Variants in CIT observed in about 807,000 individuals in gnomAD.
CIT encodes the protein citron rho-interacting serine/threonine kinase, also known as citron Rho-interacting kinase.
CIT carries 79 observed loss-of-function variants against 272.7 expected under a neutral mutation model. The ratio of observed to expected loss-of-function variants is 0.29; its 90% CI spans 0.24 to 0.35. The LOEUF (loss-of-function observed/expected upper bound fraction) is 0.35. Ranked by LOEUF, CIT falls within the 10% of genes least tolerant of loss-of-function variation. CIT has a pLI of 1.00. For missense variants in CIT, 1,909 were observed against 2,618.3 expected (o/e 0.73, Z 5.91); for synonymous variants, 948 against 995.6 (o/e 0.95, Z 0.90).
At chr12:119,702,698 A>G (rs1321629826) in intron 41 of CIT, among the ~76,000 whole-genome samples, 1 of 152,006 alleles carries the variant, frequency 6.6e-6, no homozygotes, top group Non-Finnish European at 1.5e-5. Context: ...AAAAAAAAAA[A>G]GAAAGAAAAG....
chr12:119,780,948 AC>A (rs1262459330), intron 13 of CIT, among the ~76,000 whole-genome samples: 60 of 152,324 alleles, frequency 3.9e-4, no homozygotes, highest in African/African-American at 1.3e-3. Flanking sequence ...CCACCAACAT[AC>A]ACCTTTTCAA....
At chr12:119,851,496 C>T (rs1970220429) in intron 4 of CIT, among the ~76,000 whole-genome samples, 1 of 152,152 alleles carries the variant, frequency 6.6e-6, no homozygotes, top group Admixed American at 6.5e-5. Flanking sequence ...AGTAAAAGTA[C>T]CAAAAGAACC....
intron 16 of CIT, among the ~76,000 whole-genome samples, chr12:119,774,084 G>C (rs983143859): frequency 6.6e-6 from 1 of 152,192 alleles, no homozygotes; most frequent in African/African-American, 2.4e-5. Flanking sequence ...TCCAGTTTAT[G>C]AGGTATATAA....
chr12:119,825,298 TC>T lies in CIT; in HGVS notation c.823del (p.Asp275MetfsTer17), dbSNP rs1490627505. The stretch of plus-strand genomic sequence containing the variant: ...GTCCAGGCCGTAGGTGCCTTTTCCA[TC>T]CCCGTTCATCACAGTCAGCACTTCA... ...APEVLTVMNG[D>X]GKGTYGLDCD... On this transcript the variant is annotated frameshift_variant, in exon 8 of 48. Coordinates refer to ENST00000392521, the MANE Select transcript of CIT (RefSeq NM_001206999.2). LOFTEE classifies it high-confidence loss of function. 6.2e-7 allele frequency: 1 copy of T among 1,613,928 alleles called. No homozygotes were observed. Among genetic ancestry groups the T allele is most frequent in the East Asian group, 2.2e-5 (1 of 44,888 alleles).
In CIT at chr12:119,772,905, T is replaced by C. The variant is rs1366809670; in HGVS notation, c.1947A>G (p.Val649=). Residue 649 remains valine, a synonymous_variant, in exon 17 of 48, where the codon GTA becomes GTG. Coordinates refer to ENST00000392521, the MANE Select transcript of CIT (RefSeq NM_001206999.2). ...GCTCGGTGGCCTCCGTGCTGGCTTT[T>C]ACAGCCTAGGAAGAGAGAAGGAAAA... The part of the protein sequence containing the change: ...QELQEKLEKA[V]KASTEATELL... 6.2e-7 allele frequency: 1 copy of C among 1,612,748 alleles called. No individual in the cohort carries two copies. Among genetic ancestry groups the C allele is most frequent in the Non-Finnish European group, 8.5e-7 (1 of 1,179,620 alleles).
intron 40 of CIT, among the ~76,000 whole-genome samples, chr12:119,704,885 G>T (rs1369598778): frequency 6.6e-6 from 1 of 152,176 alleles, no homozygotes; most frequent in Non-Finnish European, 1.5e-5. Flanking sequence ...GAGAGGAAAG[G>T]TGGTAGAGAC....
At chr12:119,817,707 G>A (rs1967323390) in intron 9 of CIT, among the ~76,000 whole-genome samples, 1 of 152,166 alleles carries the variant, frequency 6.6e-6, no homozygotes, top group Non-Finnish European at 1.5e-5. Context: ...TGGAGCCACA[G>A]CACCAGCACC....
In CIT at chr12:119,720,573, G is replaced by A; in HGVS notation, c.3745C>T (p.His1249Tyr). Residue 1249 changes from histidine to tyrosine, a missense_variant, in exon 30 of 48, where the codon CAT (histidine) becomes TAT (tyrosine). Physicochemically the swap from His to Tyr is moderately conservative, Grantham distance 83. Coordinates refer to ENST00000392521, the MANE Select transcript of CIT (RefSeq NM_001206999.2). The part of the protein sequence containing the change: ...QLENIQVLYS[H>Y]EKVKMEGTIS... ...GTGCCTTCCATTTTCACCTTTTCAT[G>A]AGAATAGAGAACCTAAAATTCAAGA... The A allele has an allele frequency of 2.5e-6, 4 of 1,596,010 alleles. No individual in the cohort carries two copies. Among genetic ancestry groups the A allele is most frequent in the Non-Finnish European group, 3.4e-6 (4 of 1,174,254 alleles).
intron 46 of CIT, among the ~76,000 whole-genome samples, chr12:119,696,819 A>G (rs1235338047): frequency 2.0e-5 from 3 of 151,924 alleles, no homozygotes; most frequent in South Asian, 2.1e-4. Flanking sequence ...GAGCCACCGC[A>G]CCACCTCCCC....
chr12:119,870,660 T>C (rs1314241731), intron 2 of CIT, among the ~76,000 whole-genome samples: 4 of 151,668 alleles, frequency 2.6e-5, no homozygotes, highest in Admixed American at 1.3e-4. Context: ...CTGTAGCCCT[T>C]GGACCAAATC....
At position 119,719,009 on chromosome 12, in the gene CIT, G is replaced by C. The variant is rs554243236; in HGVS notation, c.3841-148C>G. On this transcript the variant is annotated intron_variant, in intron 30 of 47. Coordinates refer to ENST00000392521, the MANE Select transcript of CIT (RefSeq NM_001206999.2). ...TTAGTAAAAATGGCATGTGAAGGGG[G>C]GGAAGGGTAGGCTGAGCCACAGCCC... 2.5e-5 allele frequency: 19 copies of C among 766,496 alleles called. No homozygotes were observed. The African/African-American group carries it at 3.1e-4, about 13-fold the overall frequency. 47.5% of individuals were successfully genotyped at this position (766,496 alleles called of 1,614,324 possible). A position where few individuals can be genotyped will look rare whatever the true frequency, so the allele number is the denominator to read the frequency against.
chr12:119,867,677 G>T (rs904526493), intron 3 of CIT, among the ~76,000 whole-genome samples: 2 of 151,994 alleles, frequency 1.3e-5, no homozygotes, highest in Non-Finnish European at 2.9e-5. Context: ...CTGACAGTAG[G>T]ACCCTTCCCC....
chr12:119,824,728 A>ATTT (rs964360323), intron 8 of CIT, among the ~76,000 whole-genome samples: 6 of 152,224 alleles, frequency 3.9e-5, no homozygotes, highest in Admixed American at 2.6e-4. Context: ...CGTATAAAAT[A>ATTT]TTCATGAACA....
In CIT at chr12:119,752,259, A is replaced by T; in HGVS notation, c.2707-12T>A. The T allele has an allele frequency of 6.3e-7, 1 of 1,589,320 alleles. No homozygotes were observed. Among genetic ancestry groups the T allele is most frequent in the Non-Finnish European group, 8.6e-7 (1 of 1,169,160 alleles). On this transcript the variant is annotated splice_polypyrimidine_tract_variant and intron_variant, in intron 22 of 47. Transcript: ENST00000392521. ...TGCTCTAGACTGACCTGAGACAGAG[A>T]GAGAGAGAGAAAGAGAGATAAACCC... is the stretch of plus-strand genomic sequence containing the variant.
At position 119,686,119 on chromosome 12, in the gene CIT, C is replaced by A. The variant is rs1345232127; in HGVS notation, c.*2113G>T. 6.6e-6 allele frequency: 1 copy of A among 152,132 alleles called. No homozygotes were observed. The allele number at this position is 152,132 out of a possible 1,614,324, so 9.4% of individuals were successfully genotyped here. On this transcript the variant is annotated 3_prime_UTR_variant, in exon 48 of 48. Transcript: ENST00000392521. Reference sequence around the variant, plus strand: ...ACCTTTTACAATAAAAAAGTAGAAACCAATTCAATTTCCTCTTTTTTTTTT... The same window carrying A: ...ACCTTTTACAATAAAAAAGTAGAAAACAATTCAATTTCCTCTTTTTTTTTT...
chr12:119,745,216 A>C (rs1280850672), intron 23 of CIT, among the ~76,000 whole-genome samples: 1 of 150,648 alleles, frequency 6.6e-6, no homozygotes, highest in Admixed American at 6.6e-5. Context: ...CTTAAAAAAA[A>C]AAAAAACAGC....
intron 24 of CIT, among the ~76,000 whole-genome samples, chr12:119,739,115 C>T (rs957320922): frequency 6.6e-6 from 1 of 152,092 alleles, no homozygotes; most frequent in African/African-American, 2.4e-5. Context: ...AGACACAGGA[C>T]TGAAATCCTA....
chr12:119,841,951 C>T (rs1175901772), intron 5 of CIT, among the ~76,000 whole-genome samples: 1 of 151,922 alleles, frequency 6.6e-6, no homozygotes, highest in Non-Finnish European at 1.5e-5. Context: ...CTACATGCAA[C>T]CAGGGAAAAA....
intron 24 of CIT, among the ~76,000 whole-genome samples, chr12:119,736,598 A>G (rs1458503232): frequency 1.3e-5 from 2 of 152,242 alleles, no homozygotes; most frequent in Non-Finnish European, 2.9e-5. Flanking sequence ...GTCAGCTACA[A>G]GAGGGGGAAT....
Sources: allele counts gnomAD v4.1 joint callset (sites outside exome capture counted in the v4.1 genomes callset), GRCh38; gene constraint gnomAD v4.1.1; transcripts MANE v1.5; gene names NCBI Gene and HGNC (gene_info 2026-07-23, HGNC 2026-07-21).